Variants in ZC4H2 observed in about 807,000 individuals in gnomAD.
The protein encoded by ZC4H2 is zinc finger C4H2 domain-containing protein.
For synonymous variants in ZC4H2, 84 were observed against 66.3 expected, an observed-to-expected ratio of 1.27 and a Z score of -1.30; for missense variants, 137 against 173.9, an observed-to-expected ratio of 0.79 and a Z score of 1.19.
At position 64,927,652 on chromosome X, in the gene ZC4H2, T is replaced by C. The variant is rs774657705; in HGVS notation, c.54-5664A>G. Among the ~76,000 whole-genome samples the C allele has an allele frequency of 1.1e-4, 12 of 112,315 alleles. No homozygotes were observed. The South Asian group carries it at 2.6e-3, about 24-fold the overall frequency. ...AATCCTTTGGGTATATATCCAGTAA[T>C]GGAATTGCTGGGTCAAATGGTATTT... is the stretch of plus-strand genomic sequence containing the variant. On this transcript the variant is annotated intron_variant, in intron 1 of 4. Coordinates refer to ENST00000374839, the MANE Select transcript of ZC4H2 (RefSeq NM_018684.4).
rs369276874 is a variant in ZC4H2 at position 65,004,844 on chromosome X, C to T, written c.-272+29785G>A. On this transcript the variant is annotated intron_variant, in intron 1 of 4. Transcript: ENST00000337990. ...TATTTAGAAAACCCCATCATCTCAG[C>T]CCCAAATCTCCTTAAGCTGATAAGC... 4.9e-4 allele frequency among the ~76,000 whole-genome samples: 55 copies of T among 111,873 alleles called. No homozygotes were observed. The South Asian group carries it at 0.019, about 38-fold the overall frequency.
intron 1 of ZC4H2, among the ~76,000 whole-genome samples, chrX:65,001,047 C>T (rs1223915483): frequency 1.8e-5 from 2 of 111,364 alleles, no homozygotes; most frequent in East Asian, 5.6e-4. Flanking sequence ...CCCAACCTAG[C>T]AAGACAGGCC....
intron 1 of ZC4H2, among the ~76,000 whole-genome samples, chrX:64,972,579 G>C (rs1368821169): frequency 8.9e-6 from 1 of 111,877 alleles, no homozygotes; most frequent in Admixed American, 9.5e-5. Flanking sequence ...TAATAACATT[G>C]AAATGTGCAT....
chrX:64,999,052 T>TTG (rs1279134319), intron 1 of ZC4H2, among the ~76,000 whole-genome samples: 1 of 96,628 alleles, frequency 1.0e-5, no homozygotes, highest in African/African-American at 3.8e-5. Context: ...TTTTTTTTTT[T>TTG]TTTTTTTTTT....
chrX:64,924,022 C>A (rs1205458470), intron 1 of ZC4H2, among the ~76,000 whole-genome samples: 1 of 112,077 alleles, frequency 8.9e-6, no homozygotes, highest in African/African-American at 3.2e-5. Context: ...ATCTAGACTT[C>A]TATTCTCCTC....
At chrX:65,013,694 C>T (rs73514229) in intron 1 of ZC4H2, among the ~76,000 whole-genome samples, 9,142 of 110,970 alleles carry the variant, frequency 0.082, 1,022 homozygotes, top group African/African-American at 0.29. Flanking sequence ...AGGTGAGTCT[C>T]GAGCTGACTA....
At position 64,935,842 on chromosome X, in the gene ZC4H2, A is replaced by T. The variant is rs747453559; in HGVS notation, c.54-13854T>A. Among the ~76,000 whole-genome samples, 6 of 110,311 alleles carry T rather than the reference A, an allele frequency of 5.4e-5. No homozygotes were observed. The East Asian group carries it at 1.7e-3, about 32-fold the overall frequency. On this transcript the variant is annotated intron_variant, in intron 1 of 4. Transcript: ENST00000374839. ...ACCAAAGGTAAATAAATCTACAAAGATGAAAACCAGAATGCCTCTTCTCCT... is the reference window on the plus strand; with the variant it reads ...ACCAAAGGTAAATAAATCTACAAAGTTGAAAACCAGAATGCCTCTTCTCCT...
chrX:65,007,008 C>T (rs776295701), intron 1 of ZC4H2, among the ~76,000 whole-genome samples: 1 of 111,774 alleles, frequency 8.9e-6, no homozygotes, highest in Non-Finnish European at 1.9e-5. Flanking sequence ...TTTAAACCAG[C>T]TATACTTTAC....
intron 1 of ZC4H2, among the ~76,000 whole-genome samples, chrX:64,962,674 T>C (rs1329882441): frequency 9.0e-6 from 1 of 111,726 alleles, no homozygotes; most frequent in Non-Finnish European, 1.9e-5. Flanking sequence ...ATTGTTAGAA[T>C]TAATAAATGA....
At chrX:64,928,132 T>A (rs995440392) in intron 1 of ZC4H2, among the ~76,000 whole-genome samples, 1 of 112,437 alleles carries the variant, frequency 8.9e-6, no homozygotes, top group African/African-American at 3.2e-5. Context: ...TTTAATTACA[T>A]CCCATTTGTC....
chrX:64,960,573 C>T (rs1263440249), intron 1 of ZC4H2, among the ~76,000 whole-genome samples: 1 of 111,603 alleles, frequency 9.0e-6, no homozygotes, highest in Non-Finnish European at 1.9e-5. Context: ...CTAGACAAAG[C>T]ACTACTTTGG....
At chrX:64,961,457 C>G (rs1008020141) in intron 1 of ZC4H2, among the ~76,000 whole-genome samples, 1 of 110,766 alleles carries the variant, frequency 9.0e-6, no homozygotes, top group Non-Finnish European at 1.9e-5. Flanking sequence ...CATGCCTCTA[C>G]TTGGTCAGTT....
In ZC4H2 at chrX:64,921,826, G is replaced by A. The variant is rs1303966797; in HGVS notation, c.216C>T (p.Asp72=). 2 of 1,210,245 alleles carry A rather than the reference G, an allele frequency of 1.7e-6. No individual in the cohort carries two copies. Among genetic ancestry groups the A allele is most frequent in the Admixed American group, 2.2e-5 (1 of 45,798 alleles). ...HVEELRLIHA[D]INVMENTIKQ... is the part of the protein sequence containing the mutation. ...CCAGGCAGCCACGTACCACATTGAT[G>A]TCAGCGTGGATCAGTCGGAGTTCCT... The change falls in exon 2 of 5, where the codon GAC becomes GAT. Residue 72 remains aspartate, a synonymous_variant. Coordinates refer to ENST00000374839, the MANE Select transcript of ZC4H2 (RefSeq NM_018684.4).
At chrX:64,969,535 G>T (rs957873975) in intron 1 of ZC4H2, among the ~76,000 whole-genome samples, 1 of 112,120 alleles carries the variant, frequency 8.9e-6, no homozygotes, top group Admixed American at 9.4e-5. Flanking sequence ...GACAATTCCA[G>T]ATTATATTGT....
At chrX:64,951,061 GT>G (rs936613028) in intron 1 of ZC4H2, among the ~76,000 whole-genome samples, 1 of 110,776 alleles carries the variant, frequency 9.0e-6, no homozygotes, top group African/African-American at 3.3e-5. Context: ...GCGGTGTTTG[GT>G]TTTTTGTCCT....
rs972163084 is a variant in ZC4H2 at position 65,009,566 on chromosome X, G to C, written c.-272+25063C>G. 2.7e-5 allele frequency among the ~76,000 whole-genome samples: 3 copies of C among 111,809 alleles called. No homozygotes were observed. In the Admixed American group the frequency reaches 2.8e-4, roughly 11 times the overall value. On this transcript the variant is annotated intron_variant, in intron 1 of 4. Coordinates refer to the ZC4H2 transcript ENST00000337990. ...AAAACAGAGATAGTGTCTTCATTCA[G>C]AGCATAGAAGGTTTGCTTATTCTTC... is the stretch of plus-strand genomic sequence containing the variant.
chrX:64,925,831 C>T (rs776027884), intron 1 of ZC4H2, among the ~76,000 whole-genome samples: 1 of 111,991 alleles, frequency 8.9e-6, no homozygotes, highest in Non-Finnish European at 1.9e-5. Flanking sequence ...GGGTGAAGGG[C>T]TGCCACCAGC....
chrX:64,972,718 C>T (rs926566500), intron 1 of ZC4H2, among the ~76,000 whole-genome samples: 1 of 111,646 alleles, frequency 9.0e-6, no homozygotes, highest in African/African-American at 3.3e-5. Flanking sequence ...TCCCAGATTT[C>T]CTTTGGGAAG....
intron 1 of ZC4H2, among the ~76,000 whole-genome samples, chrX:64,952,476 G>T (rs762479630): frequency 1.8e-5 from 2 of 110,419 alleles, no homozygotes; most frequent in South Asian, 7.8e-4. Context: ...AAAGTCTTAG[G>T]ATACAAAACC....
Sources: allele counts gnomAD v4.1 joint callset (sites outside exome capture counted in the v4.1 genomes callset), GRCh38; gene constraint gnomAD v4.1.1; transcripts MANE v1.5; gene names NCBI Gene and HGNC (gene_info 2026-07-23, HGNC 2026-07-21).